The following GRIN2B variants were observed in gnomAD, a reference collection of about 807,000 sequenced individuals.
GRIN2B encodes glutamate receptor ionotropic, NMDA 2B.
GRIN2B carries 5 observed loss-of-function variants against 114.5 expected under a neutral mutation model. The ratio of observed to expected loss-of-function variants is 0.04; its 90% CI spans 0.02 to 0.09. GRIN2B has a LOEUF of 0.09. Among genes scored for constraint, GRIN2B ranks in the 10% least tolerant of loss-of-function variants. GRIN2B has a pLI of 1.00. For missense variants in GRIN2B, 1,108 were observed against 1,943.5 expected, an observed-to-expected ratio of 0.57 and a Z score of 8.08; for synonymous variants, 787 against 745.1, an observed-to-expected ratio of 1.06 and a Z score of -0.92.
intron 3 of GRIN2B, among the ~76,000 whole-genome samples, chr12:13,808,752 A>AATATAT (rs10548365): frequency 9.1e-6 from 1 of 109,896 alleles, no homozygotes. Context: ...ATAAAAAAAA[A>AATATAT]ATATATATAT....
intron 2 of GRIN2B, among the ~76,000 whole-genome samples, chr12:13,929,485 G>A (rs1244365640): frequency 6.6e-6 from 1 of 152,168 alleles, no homozygotes; most frequent in Non-Finnish European, 1.5e-5. Context: ...TCCTGAGTTT[G>A]GGAAAGGCAG....
chr12:13,549,004 T>TTAAA lies in GRIN2B; in HGVS notation c.*13778_*13779insTTTA, dbSNP rs779928394. 4 of 148,984 alleles carry TTAAA rather than the reference T, an allele frequency of 2.7e-5. No individual in the cohort carries two copies. Among genetic ancestry groups the TTAAA allele is most frequent in the Admixed American group, 1.3e-4 (2 of 15,040 alleles). 9.2% of individuals were successfully genotyped at this position (148,984 alleles called of 1,614,324 possible). A position where few individuals can be genotyped will look rare whatever the true frequency, so the allele number is the denominator to read the frequency against. On this transcript the variant is annotated 3_prime_UTR_variant, in exon 14 of 14. Transcript: ENST00000609686. ...TCCCTCTAGGGCTAGGAAGGACTGATAAAAAAAAAAAGTTACTCTACATTA... is the reference window on the plus strand; with the variant it reads ...TCCCTCTAGGGCTAGGAAGGACTGATTAAAAAAAAAAAAAAGTTACTCTACATTA...
In GRIN2B at chr12:13,981,342, C is replaced by G. The variant is rs913402999; in HGVS notation, c.-448G>C. The G allele has an allele frequency of 2.6e-5, 4 of 152,224 alleles. No homozygotes were observed. The highest frequency in any genetic ancestry group is 5.9e-5 in the Non-Finnish European group (4 of 68,104). 9.4% of individuals were successfully genotyped at this position (152,224 alleles called of 1,614,324 possible). A position where few individuals can be genotyped will look rare whatever the true frequency, so the allele number is the denominator to read the frequency against. ...GACTCCAAAGCCCATCTTTACGTAC[C>G]GGCTCCGAGCGCCTCCGCGGTTGCA... On this transcript the variant is annotated splice_region_variant and 5_prime_UTR_variant, in exon 1 of 14. Coordinates refer to ENST00000609686, the MANE Select transcript of GRIN2B (RefSeq NM_000834.5).
Position 13,541,693 on chromosome 12 carries a change from G to T in GRIN2B, c.*21090C>A, listed in dbSNP as rs1591593060. ...AGGATATGACCATGCTGAAGGGTTTGCCTTTATTAGTGGACAGAGAGGCTG... is the reference window on the plus strand; with the variant it reads ...AGGATATGACCATGCTGAAGGGTTTTCCTTTATTAGTGGACAGAGAGGCTG... On this transcript the variant is annotated 3_prime_UTR_variant, in exon 14 of 14. Transcript: ENST00000609686. 6.6e-6 allele frequency: 1 copy of T among 152,312 alleles called. No individual in the cohort carries two copies. Among genetic ancestry groups the T allele is most frequent in the East Asian group, 1.9e-4 (1 of 5,180 alleles). The allele number at this position is 152,312 out of a possible 1,614,324, so 9.4% of individuals were successfully genotyped here. A position where few individuals can be genotyped will look rare whatever the true frequency, so the allele number is the denominator to read the frequency against.
chr12:13,669,829 G>A (rs2268104), intron 5 of GRIN2B, among the ~76,000 whole-genome samples: 6,949 of 152,136 alleles, frequency 0.046, 312 homozygotes, highest in East Asian at 0.22. Flanking sequence ...GACCTCTATT[G>A]TATAAACACT....
At position 13,553,333 on chromosome 12, in the gene GRIN2B, G is replaced by A. The variant is rs1042866364; in HGVS notation, c.*9450C>T. On this transcript the variant is annotated 3_prime_UTR_variant, in exon 14 of 14. Coordinates refer to ENST00000609686, the MANE Select transcript of GRIN2B (RefSeq NM_000834.5). ...TTTACAGAGAAAGGAGTAGTTTAGAGACTAGCATTCTCTCTGAGCCAGCTC... is the reference window on the plus strand; with the variant it reads ...TTTACAGAGAAAGGAGTAGTTTAGAAACTAGCATTCTCTCTGAGCCAGCTC... 5.9e-5 allele frequency: 9 copies of A among 152,316 alleles called. No individual in the cohort carries two copies. The East Asian group carries it at 1.2e-3, about 20-fold the overall frequency. The allele number at this position is 152,316 out of a possible 1,614,324, so 9.4% of individuals were successfully genotyped here.
chr12:13,561,757 A>ACAATTGC lies in GRIN2B; in HGVS notation c.*1019_*1025dup, dbSNP rs1443927271. 7.2e-5 allele frequency: 11 copies of ACAATTGC among 152,612 alleles called. No individual in the cohort carries two copies. Among genetic ancestry groups the ACAATTGC allele is most frequent in the Non-Finnish European group, 1.6e-4 (11 of 68,044 alleles). The allele number at this position is 152,612 out of a possible 1,614,324, so 9.5% of individuals were successfully genotyped here. On this transcript the variant is annotated 3_prime_UTR_variant, in exon 14 of 14. Transcript: ENST00000609686. The stretch of plus-strand genomic sequence containing the variant: ...AAGTTCTTGGTTCAAACTGGTTGAA[A>ACAATTGC]CAATTGCCAACCACTGAGGACTTGT...
At chr12:13,720,409 G>A (rs973177159) in intron 4 of GRIN2B, among the ~76,000 whole-genome samples, 4 of 152,012 alleles carry the variant, frequency 2.6e-5, no homozygotes, top group South Asian at 2.1e-4. Flanking sequence ...AGGGTCAAAC[G>A]TCATCTTGAA....
At chr12:13,672,349 C>T (rs577464878) in intron 5 of GRIN2B, among the ~76,000 whole-genome samples, 5 of 152,276 alleles carry the variant, frequency 3.3e-5, no homozygotes, top group South Asian at 4.1e-4. Context: ...TCCTCCCCTG[C>T]TTATCTGTCC....
At chr12:13,573,251 A>T (rs1182915902) in intron 10 of GRIN2B, among the ~76,000 whole-genome samples, 1 of 149,204 alleles carries the variant, frequency 6.7e-6, no homozygotes, top group African/African-American at 2.5e-5. Context: ...GGAGATCGAG[A>T]CCATCCTGGC....
chr12:13,974,901 T>C (rs1190969861), intron 2 of GRIN2B, among the ~76,000 whole-genome samples: 1 of 150,850 alleles, frequency 6.6e-6, no homozygotes, highest in Non-Finnish European at 1.5e-5. Flanking sequence ...TAAGAGACAT[T>C]AACAAAAAGA....
At chr12:13,899,266 G>A (rs942083377) in intron 2 of GRIN2B, among the ~76,000 whole-genome samples, 6 of 150,936 alleles carry the variant, frequency 4.0e-5, no homozygotes, top group African/African-American at 1.2e-4. Context: ...ACAAACAAAC[G>A]AAAGAAAGAA....
At chr12:13,894,681 T>C (rs1866326351) in intron 2 of GRIN2B, among the ~76,000 whole-genome samples, 1 of 152,138 alleles carries the variant, frequency 6.6e-6, no homozygotes, top group Non-Finnish European at 1.5e-5. Context: ...ATGTTAAACA[T>C]TGCTTAAGTA....
chr12:13,866,922 G>A (rs1342178515), intron 2 of GRIN2B, among the ~76,000 whole-genome samples: 1 of 152,112 alleles, frequency 6.6e-6, no homozygotes, highest in East Asian at 1.9e-4. Context: ...AAATGTTGAC[G>A]CCAAGGCTCA....
At chr12:13,566,630 AAGAG>A (rs1202206536) in intron 13 of GRIN2B, among the ~76,000 whole-genome samples, 2 of 152,268 alleles carry the variant, frequency 1.3e-5, no homozygotes, top group Non-Finnish European at 2.9e-5. Context: ...ATGTTAAAAT[AAGAG>A]AGATATGTTA....
chr12:13,881,878 G>C (rs1345801703), intron 2 of GRIN2B, among the ~76,000 whole-genome samples: 1 of 152,162 alleles, frequency 6.6e-6, no homozygotes, highest in Non-Finnish European at 1.5e-5. Flanking sequence ...TAGAGAGATA[G>C]TGATGTGGCT....
intron 5 of GRIN2B, among the ~76,000 whole-genome samples, chr12:13,657,310 A>G (rs1949875344): frequency 6.6e-6 from 1 of 152,164 alleles, no homozygotes; most frequent in Non-Finnish European, 1.5e-5. Flanking sequence ...TAGCTTTTCC[A>G]TGTTCTAAAA....
intron 2 of GRIN2B, among the ~76,000 whole-genome samples, chr12:13,890,287 C>G (rs1866236995): frequency 6.6e-6 from 1 of 152,164 alleles, no homozygotes; most frequent in Admixed American, 6.6e-5. Flanking sequence ...GTTTTAACAT[C>G]CTGTGAAGTC....
At chr12:13,641,681 T>C (rs1036844870) in intron 5 of GRIN2B, among the ~76,000 whole-genome samples, 28 of 152,244 alleles carry the variant, frequency 1.8e-4, no homozygotes, top group African/African-American at 6.5e-4. Flanking sequence ...TAACTAGAAA[T>C]GAATCCAGGA....
Sources: gnomAD v4.1 joint callset for allele counts (sites outside exome capture counted in the v4.1 genomes callset) on GRCh38, gnomAD v4.1.1 for gene constraint, MANE v1.5 for transcripts, NCBI Gene and HGNC (gene_info 2026-07-23, HGNC 2026-07-21) for gene names.